The following FAM168A variants were observed in gnomAD, a reference collection of about 807,000 sequenced individuals.
FAM168A encodes family with sequence similarity 168 member A, also known as protein FAM168A.
A neutral mutation model predicts 28.5 loss-of-function variants in FAM168A; 3 were observed. The ratio of observed to expected loss-of-function variants is 0.11; its 90% CI spans 0.05 to 0.27. The LOEUF (loss-of-function observed/expected upper bound fraction) is 0.27. Among genes scored for constraint, FAM168A ranks in the 10% least tolerant of loss-of-function variants. FAM168A has a pLI of 1.00. For synonymous variants in FAM168A, 122 were observed against 124.2 expected, an observed-to-expected ratio of 0.98 and a Z score of 0.12; for missense variants, 222 against 311.5, an observed-to-expected ratio of 0.71 and a Z score of 2.16.
chr11:73,446,590 G>A (rs1366555231), intron 2 of FAM168A, among the ~76,000 whole-genome samples: 1 of 152,186 alleles, frequency 6.6e-6, no homozygotes, highest in East Asian at 1.9e-4. Flanking sequence ...GCTGGAGGAA[G>A]CCTGAGGTAA....
rs556815690 is a variant in FAM168A at position 73,401,590 on chromosome 11, C to T, written c.*5173G>A. 6.6e-6 allele frequency: 1 copy of T among 152,264 alleles called. No individual in the cohort carries two copies. The highest frequency in any genetic ancestry group is 1.5e-5 in the Non-Finnish European group (1 of 68,064). The allele number at this position is 152,264 out of a possible 1,614,324, so 9.4% of individuals were successfully genotyped here. A position where few individuals can be genotyped will look rare whatever the true frequency, so the allele number is the denominator to read the frequency against. On this transcript the variant is annotated 3_prime_UTR_variant, in exon 8 of 8. Transcript: ENST00000356467. ...GGGCCGGTACTTTGCAAAGCTGTTA[C>T]ATCTGTTCTCCTTAGGAAGGAAAAT...
At chr11:73,508,309 G>A (rs1000433632) in intron 1 of FAM168A, among the ~76,000 whole-genome samples, 12 of 151,302 alleles carry the variant, frequency 7.9e-5, no homozygotes, top group Middle Eastern at 6.8e-3. Flanking sequence ...AAATTAAGGA[G>A]CAAATTAATA....
At chr11:73,419,071 A>G (rs1345993415) in intron 4 of FAM168A, among the ~76,000 whole-genome samples, 1 of 152,132 alleles carries the variant, frequency 6.6e-6, no homozygotes, top group Non-Finnish European at 1.5e-5. Flanking sequence ...TGGCCTCCCA[A>G]AGTGCTGGGA....
chr11:73,430,033 C>G (rs1160498191), intron 3 of FAM168A: 1 of 152,564 alleles, frequency 6.6e-6, no homozygotes, highest in Admixed American at 6.5e-5. Context: ...TACTCTTTCT[C>G]CTGCTCTTGA....
At chr11:73,462,585 G>A (rs953996997) in intron 2 of FAM168A, among the ~76,000 whole-genome samples, 1 of 152,186 alleles carries the variant, frequency 6.6e-6, no homozygotes, top group Non-Finnish European at 1.5e-5. Flanking sequence ...ACACAAAAAT[G>A]GTTAAGATGG....
chr11:73,420,387 G>A (rs1866771129), intron 3 of FAM168A, among the ~76,000 whole-genome samples: 1 of 152,188 alleles, frequency 6.6e-6, no homozygotes. Context: ...GATCAACTGA[G>A]CACTCTTTGT....
intron 1 of FAM168A, among the ~76,000 whole-genome samples, chr11:73,578,609 T>G (rs186244853): frequency 1.3e-5 from 2 of 152,182 alleles, no homozygotes; most frequent in Non-Finnish European, 2.9e-5. Context: ...CCTAACCAAT[T>G]TAGTTTCAAG....
At chr11:73,511,629 A>G (rs1444913753) in intron 1 of FAM168A, among the ~76,000 whole-genome samples, 1 of 151,528 alleles carries the variant, frequency 6.6e-6, no homozygotes, top group Non-Finnish European at 1.5e-5. Context: ...GAGAAATAGC[A>G]GCAAATTCTT....
At chr11:73,580,935 TTGGTTACCAG>T (rs1464187782) in intron 1 of FAM168A, among the ~76,000 whole-genome samples, 6 of 152,230 alleles carry the variant, frequency 3.9e-5, no homozygotes, top group African/African-American at 1.4e-4. Flanking sequence ...CCCCTAATCA[TTGGTTACCAG>T]TGTGTCAGGC....
intron 2 of FAM168A, among the ~76,000 whole-genome samples, chr11:73,449,948 C>G (rs1289045818): frequency 1.3e-5 from 2 of 152,252 alleles, no homozygotes; most frequent in Admixed American, 1.3e-4. Flanking sequence ...GATTTAGACA[C>G]TTAAATTCAA....
At chr11:73,463,360 G>C (rs1001452123) in intron 2 of FAM168A, among the ~76,000 whole-genome samples, 3 of 152,176 alleles carry the variant, frequency 2.0e-5, no homozygotes, top group African/African-American at 7.2e-5. Flanking sequence ...TATCAAGGAT[G>C]ATGTTTTCTG....
chr11:73,445,672 C>T (rs1341304705), intron 2 of FAM168A, among the ~76,000 whole-genome samples: 1 of 151,770 alleles, frequency 6.6e-6, no homozygotes, highest in East Asian at 1.9e-4. Context: ...ATGTGTGCAA[C>T]ATGCACACCA....
At chr11:73,518,922 C>T (rs1270994554) in intron 1 of FAM168A, among the ~76,000 whole-genome samples, 1 of 151,930 alleles carries the variant, frequency 6.6e-6, no homozygotes, top group Admixed American at 6.6e-5. Context: ...CCCTCAACTT[C>T]CTCTCTCACC....
intron 1 of FAM168A, among the ~76,000 whole-genome samples, chr11:73,526,353 G>A (rs1251335366): frequency 6.6e-6 from 1 of 152,132 alleles, no homozygotes; most frequent in Non-Finnish European, 1.5e-5. Context: ...AATGTTGGCA[G>A]GGTGTGCAAG....
intron 2 of FAM168A, among the ~76,000 whole-genome samples, chr11:73,447,410 A>T (rs1867337966): frequency 6.6e-6 from 1 of 151,880 alleles, no homozygotes; most frequent in African/African-American, 2.4e-5. Context: ...AAAAATAGCC[A>T]GGCACAGCAG....
intron 3 of FAM168A, among the ~76,000 whole-genome samples, chr11:73,427,834 G>A (rs1440018716): frequency 6.6e-6 from 1 of 152,146 alleles, no homozygotes; most frequent in East Asian, 1.9e-4. Flanking sequence ...CCCAGTGCTG[G>A]GGATGAGAGC....
At chr11:73,431,077 C>T (rs1395178992) in intron 2 of FAM168A, among the ~76,000 whole-genome samples, 1 of 151,950 alleles carries the variant, frequency 6.6e-6, no homozygotes, top group Non-Finnish European at 1.5e-5. Flanking sequence ...GGCACGGTGG[C>T]TCATGCCTGT....
Position 73,528,268 on chromosome 11 carries a change from TTC to T in FAM168A, c.-18-59778_-18-59777del, listed in dbSNP as rs1374161843. On this transcript the variant is annotated intron_variant, in intron 1 of 7. Coordinates refer to ENST00000356467, the MANE Select transcript of FAM168A (RefSeq NM_015159.3). ...TGAGGCTGAGACTTGCTAGGCTGCATTCTCAGAAAGTCAGGCATTCCTAGCCT... is the reference window on the plus strand; with the variant it reads ...TGAGGCTGAGACTTGCTAGGCTGCATTCAGAAAGTCAGGCATTCCTAGCCT... Among the ~76,000 whole-genome samples the T allele has an allele frequency of 3.3e-5, 5 of 152,284 alleles. No homozygotes were observed. In the East Asian group the frequency reaches 9.7e-4, roughly 29 times the overall value.
At chr11:73,418,809 ATT>A (rs61036118) in intron 4 of FAM168A, among the ~76,000 whole-genome samples, 48 of 136,138 alleles carry the variant, frequency 3.5e-4, no homozygotes, top group African/African-American at 5.8e-4. Flanking sequence ...CAGTAATTTC[ATT>A]TTTTTTTTTT....
Sources: gnomAD v4.1 joint callset for allele counts (sites outside exome capture counted in the v4.1 genomes callset) on GRCh38, gnomAD v4.1.1 for gene constraint, MANE v1.5 for transcripts, NCBI Gene and HGNC (gene_info 2026-07-23, HGNC 2026-07-21) for gene names.